DUOX1: variants seen among roughly 807,000 people sequenced by gnomAD.
DUOX1 encodes the protein NADPH thyroid oxidase 1.
In DUOX1, 134 loss-of-function variants were observed where a neutral mutation model predicts 181.8. The observed-to-expected ratio is 0.74, with a 90% CI of 0.64 to 0.85. The LOEUF (loss-of-function observed/expected upper bound fraction) is 0.85, where lower values mean the gene tolerates loss of function less well. Among genes scored for constraint, DUOX1 ranks in the 40% least tolerant of loss-of-function variants. The pLI, the probability that DUOX1 is intolerant of heterozygous loss-of-function variation, is 0.00. For missense variants in DUOX1, 1,814 were observed against 2,064.4 expected, an observed-to-expected ratio of 0.88 and a Z score of 2.35; for synonymous variants, 798 against 832.5, an observed-to-expected ratio of 0.96 and a Z score of 0.71.
chr15:45,147,872 G>A (rs748064892), intron 19 of DUOX1, 32 bp from the exon 20 acceptor site: 1 of 1,592,792 alleles, frequency 6.3e-7, no homozygotes, highest in South Asian at 1.1e-5. Flanking sequence ...AGGCAGGCGG[G>A]GGCTCTCCTT....
At chr15:45,154,035 C>G in intron 27 of DUOX1, 35 bp downstream of exon 27, 8 of 1,606,020 alleles carry the variant, frequency 5.0e-6, no homozygotes, top group Non-Finnish European at 6.8e-6. Flanking sequence ...ATTTCTGGAC[C>G]TGACTGTGAG....
Position 45,144,175 on chromosome 15 carries a change from C to T in DUOX1, c.2076C>T (p.Val692=), listed in dbSNP as rs757754551. ...QLQPPQKVNF[V]LSSNRGRRTL... The stretch of plus-strand genomic sequence containing the variant: ...AGCCTCCACAGAAGGTCAACTTCGT[C>T]CTGTCCAGCAACCGTGGACGCCGCA... The change falls in exon 17 of 34, where the codon GTC becomes GTT. Residue 692 remains valine (V), a synonymous_variant. Coordinates refer to ENST00000389037, the MANE Select transcript of DUOX1 (RefSeq NM_175940.3). The T allele has an allele frequency of 6.2e-7, 1 of 1,614,164 alleles. No homozygotes were observed. Among genetic ancestry groups the T allele is most frequent in the South Asian group, 1.1e-5 (1 of 91,082 alleles).
At chr15:45,151,853 C>T (rs374705270) in intron 23 of DUOX1, 21 bp from the exon 24 acceptor site, 1 of 1,602,976 alleles carries the variant, frequency 6.2e-7, no homozygotes, top group East Asian at 2.2e-5. Context: ...GTGCCAAAGG[C>T]TAAGGCTTCC....
intron 33 of DUOX1, among the ~76,000 whole-genome samples, chr15:45,164,366 A>G (rs1897178100): frequency 6.6e-6 from 1 of 152,086 alleles, no homozygotes; most frequent in Non-Finnish European, 1.5e-5. Flanking sequence ...TCTATTAGAA[A>G]TGTTGATCTA....
chr15:45,141,293 C>G lies in DUOX1; in HGVS notation c.1567C>G (p.Leu523Val), dbSNP rs146525385. The G allele has an allele frequency of 6.8e-6, 11 of 1,613,994 alleles. 1 individual carries two copies. Among genetic ancestry groups the G allele is most frequent in the Middle Eastern group, 1.7e-4 (1 of 6,042 alleles). ...RYWFENTRNG[L>V]FSKKEIEEIR... ...TGACTTCTACTTACTCCAACTTAGG[C>G]TGTTCTCCAAGAAGGAGATTGAAGA... Residue 523 changes from leucine to valine, a missense_variant and splice_region_variant, in exon 14 of 34, where the codon CTG becomes GTG. By Grantham distance (32) the Leu-to-Val change is conservative. Transcript: ENST00000389037.
intron 28 of DUOX1, among the ~76,000 whole-genome samples, chr15:45,157,588 G>A (rs2043109339): frequency 6.6e-6 from 1 of 152,146 alleles, no homozygotes; most frequent in African/African-American, 2.4e-5. Context: ...AGATGCCGAG[G>A]TGGGTGGATC....
At chr15:45,144,357 T>G (rs1896594439) in intron 17 of DUOX1, 122 bp downstream of exon 17, 1 of 1,082,156 alleles carries the variant, frequency 9.2e-7, no homozygotes, top group Admixed American at 2.0e-5. Flanking sequence ...GGAGTCTGGC[T>G]TCTTGTTCCC....
chr15:45,153,611 T>A, intron 26 of DUOX1, 132 bp downstream of exon 26: 8 of 989,600 alleles, frequency 8.1e-6, no homozygotes, highest in Non-Finnish European at 1.3e-5. Context: ...ACTGTCACCT[T>A]CTAGGTTACA....
chr15:45,135,488 G>A lies in DUOX1; in HGVS notation c.510G>A (p.Thr170=). The A allele has an allele frequency of 1.9e-6, 3 of 1,554,710 alleles. No homozygotes were observed. Among genetic ancestry groups the A allele is most frequent in the East Asian group, 2.4e-5 (1 of 41,336 alleles). ...SNPRDPANQV[T]GWLDGSAIYG... ...GTGCCCCGCAGGCCAACCAGGTGACGGGCTGGCTGGACGGCAGCGCCATCT... is the reference window on the plus strand; with the variant it reads ...GTGCCCCGCAGGCCAACCAGGTGACAGGCTGGCTGGACGGCAGCGCCATCT... Residue 170 remains threonine, a synonymous_variant, in exon 6 of 34, where the codon ACG becomes ACA. Transcript: ENST00000389037.
At chr15:45,149,432 T>C (rs1226137081) in intron 21 of DUOX1, among the ~76,000 whole-genome samples, 2 of 152,188 alleles carry the variant, frequency 1.3e-5, no homozygotes, top group Non-Finnish European at 1.5e-5. Context: ...CCCAGGGACA[T>C]CCAACACCTG....
intron 19 of DUOX1, 115 bp downstream of exon 19, chr15:45,147,773 G>T: frequency 6.4e-7 from 1 of 1,553,118 alleles, no homozygotes; most frequent in Non-Finnish European, 8.9e-7. Context: ...CCCAGGCCGA[G>T]GTCAGGAAGC....
At chr15:45,152,610 C>T (rs1352203615) in intron 25 of DUOX1, 94 bp downstream of exon 25, 2 of 1,164,060 alleles carry the variant, frequency 1.7e-6, no homozygotes, top group African/African-American at 3.0e-5. Context: ...TGGCACTTAC[C>T]TTTAATGTCC....
At chr15:45,158,289 G>C (rs1190928157) in intron 28 of DUOX1, among the ~76,000 whole-genome samples, 1 of 152,214 alleles carries the variant, frequency 6.6e-6, no homozygotes, top group Non-Finnish European at 1.5e-5. Context: ...ACTTGGGGAA[G>C]AAAGAGCCAG....
chr15:45,155,882 C>T lies in DUOX1; in HGVS notation c.3655C>T (p.Arg1219Trp), dbSNP rs777502866. 6.4e-5 allele frequency: 103 copies of T among 1,614,010 alleles called. No individual in the cohort carries two copies. The Admixed American group carries it at 1.4e-3, about 22-fold the overall frequency. The part of the protein sequence containing the change: ...ASHHFRRRSF[R>W]GFWLTHHLYI... ...CCACCACTTCCGCCGCCGCAGTTTC[C>T]GGGGCTTCTGGCTGACCCACCACCT... is the stretch of plus-strand genomic sequence containing the variant. Residue 1219 changes from arginine (R) to tryptophan (W), a missense_variant, in exon 28 of 34, where the codon CGG (arginine) becomes TGG (tryptophan). Physicochemically the swap from Arg to Trp is moderately radical, Grantham distance 101. This residue lies in a region of DUOX1 where 279 missense variants were observed against 381.9 expected (regional missense o/e 0.73). Coordinates refer to ENST00000389037, the MANE Select transcript of DUOX1 (RefSeq NM_175940.3).
rs1320352740 is a variant in DUOX1, at chr15:45,148,162, G to C, written c.2643-110G>C. 6 of 1,545,540 alleles carry C rather than the reference G, an allele frequency of 3.9e-6. No individual in the cohort carries two copies. In the South Asian group the frequency reaches 5.8e-5, roughly 15 times the overall value. On this transcript the variant is annotated intron_variant, in intron 20 of 33. Transcript: ENST00000389037. ...CAGGGGGCTTGGGATGTGGCCAGTC[G>C]GGGCCCCTCCACATGGGCACAGAGA...
chr15:45,158,057 A>G (rs1321547168), intron 28 of DUOX1, among the ~76,000 whole-genome samples: 1 of 152,166 alleles, frequency 6.6e-6, no homozygotes, highest in Admixed American at 6.5e-5. Flanking sequence ...ATCCAGGCAG[A>G]AGAGGGCAGG....
At chr15:45,136,886 G>A (rs559925109) in intron 9 of DUOX1, among the ~76,000 whole-genome samples, 5 of 151,940 alleles carry the variant, frequency 3.3e-5, no homozygotes, top group Non-Finnish European at 7.4e-5. Context: ...AGGTTCAGAG[G>A]GTGTCACAAA....
rs1896324096 is a variant in DUOX1, at chr15:45,136,600, A to G, written c.997A>G (p.Met333Val). 3.1e-6 allele frequency: 5 copies of G among 1,613,892 alleles called. No homozygotes were observed. The highest frequency in any genetic ancestry group is 3.4e-6 in the Non-Finnish European group (4 of 1,180,016). ...VAASEQFLST[M>V]VPPGVYMRNA... Reference sequence around the variant, plus strand: ...GGCCTCTGAGCAGTTCCTGTCCACCATGGTGCCCCCTGGCGTCTACATGAG... The same window carrying G: ...GGCCTCTGAGCAGTTCCTGTCCACCGTGGTGCCCCCTGGCGTCTACATGAG... The change falls in exon 9 of 34, where the codon ATG becomes GTG. Residue 333 changes from methionine to valine, a missense_variant. Physicochemically the swap from Met to Val is conservative, Grantham distance 21 (BLOSUM62 1). Transcript: ENST00000389037.
chr15:45,157,647 C>T (rs1253776498), intron 28 of DUOX1, among the ~76,000 whole-genome samples: 2 of 151,944 alleles, frequency 1.3e-5, no homozygotes, highest in African/African-American at 2.4e-5. Context: ...GGCGAAACCT[C>T]GTCTCTACTA....
Sources: allele counts gnomAD v4.1 joint callset (sites outside exome capture counted in the v4.1 genomes callset), GRCh38; gene constraint gnomAD v4.1.1; regional missense constraint gnomAD v4.1.1; transcripts MANE v1.5; gene names NCBI Gene and HGNC (gene_info 2026-07-23, HGNC 2026-07-21).